The following SPATA16 variants were observed in gnomAD, a reference collection of about 807,000 sequenced individuals.
The protein encoded by SPATA16 is spermatogenesis-associated protein 16.
SPATA16 carries 36 observed loss-of-function variants against 63.3 expected under a neutral mutation model. The observed-to-expected ratio is 0.57, with a 90% CI of 0.44 to 0.75. The LOEUF is 0.75. SPATA16 is among the 30% of genes least tolerant of loss of function. SPATA16 has a pLI of 0.00. For synonymous variants in SPATA16, 203 were observed against 216.7 expected, an observed-to-expected ratio of 0.94 and a Z score of 0.56; for missense variants, 646 against 679.3, an observed-to-expected ratio of 0.95 and a Z score of 0.54.
At chr3:172,994,593 C>A (rs976748315) in intron 4 of SPATA16, among the ~76,000 whole-genome samples, 1 of 151,980 alleles carries the variant, frequency 6.6e-6, no homozygotes, top group Non-Finnish European at 1.5e-5. Flanking sequence ...GAGTGACAAA[C>A]AGGGTCTTAA....
intron 2 of SPATA16, among the ~76,000 whole-genome samples, chr3:173,111,766 T>C (rs1055815979): frequency 6.6e-5 from 10 of 152,134 alleles, no homozygotes; most frequent in African/African-American, 2.4e-4. Flanking sequence ...CCAAATTCCA[T>C]TATCTTGGAA....
At chr3:173,001,536 A>G (rs533462476) in intron 4 of SPATA16, among the ~76,000 whole-genome samples, 1 of 152,276 alleles carries the variant, frequency 6.6e-6, no homozygotes, top group African/African-American at 2.4e-5. Flanking sequence ...TCTCAGAGGT[A>G]AAACCTTAAG....
chr3:172,983,795 C>T (rs1324386148), intron 4 of SPATA16, among the ~76,000 whole-genome samples: 4 of 151,888 alleles, frequency 2.6e-5, no homozygotes, highest in Admixed American at 6.6e-5. Flanking sequence ...TATCTAGGCT[C>T]ACATATTTTC....
At chr3:172,963,544 A>G (rs1362510946) in intron 5 of SPATA16, among the ~76,000 whole-genome samples, 7 of 152,058 alleles carry the variant, frequency 4.6e-5, no homozygotes, top group Admixed American at 1.3e-4. Context: ...ACATGCATGT[A>G]ATTGTGTAAA....
intron 4 of SPATA16, among the ~76,000 whole-genome samples, chr3:172,984,526 G>T (rs540964436): frequency 6.6e-5 from 10 of 152,272 alleles, no homozygotes; most frequent in Middle Eastern, 3.4e-3. Flanking sequence ...GGTGGTCACT[G>T]AAGAAGTTTT....
At chr3:173,074,855 G>T (rs565713501) in intron 2 of SPATA16, among the ~76,000 whole-genome samples, 1 of 151,724 alleles carries the variant, frequency 6.6e-6, no homozygotes, top group Non-Finnish European at 1.5e-5. Context: ...CAAATTAGCC[G>T]GGCATAGTGG....
At chr3:173,086,053 A>G (rs932573493) in intron 2 of SPATA16, among the ~76,000 whole-genome samples, 1 of 152,124 alleles carries the variant, frequency 6.6e-6, no homozygotes. Flanking sequence ...GCCTCATAAA[A>G]TGAGTTAGGA....
Position 172,995,757 on chromosome 3 carries a change from CT to C in SPATA16, c.849-18706del, listed in dbSNP as rs942212786. On this transcript the variant is annotated intron_variant, in intron 4 of 10. Transcript: ENST00000351008. ...ACAAACAAGCTATTTTAAACAACAA[CT>C]TTTTTTTACTTTGAAAGAATTTTAA... Among the ~76,000 whole-genome samples the C allele has an allele frequency of 2.0e-3, 301 of 151,894 alleles. 1 individual carries two copies. The highest frequency in any genetic ancestry group is 7.0e-3 in the African/African-American group (289 of 41,492).
intron 4 of SPATA16, among the ~76,000 whole-genome samples, chr3:173,001,066 C>T (rs747462073): frequency 1.3e-5 from 2 of 152,318 alleles, no homozygotes; most frequent in East Asian, 3.9e-4. Flanking sequence ...TCTCTTCAAA[C>T]TGTGTTTTTA....
chr3:173,125,980 T>C (rs947750271), intron 1 of SPATA16, among the ~76,000 whole-genome samples: 7 of 152,240 alleles, frequency 4.6e-5, no homozygotes, highest in African/African-American at 1.7e-4. Context: ...ATCACCTAAA[T>C]GTAAGTTAGC....
At chr3:173,093,076 C>CACACACATAT (rs372317726) in intron 2 of SPATA16, among the ~76,000 whole-genome samples, 4 of 143,980 alleles carry the variant, frequency 2.8e-5, no homozygotes, top group Non-Finnish European at 6.1e-5. Flanking sequence ...CACACACACA[C>CACACACATAT]ATATATATAT....
intron 2 of SPATA16, among the ~76,000 whole-genome samples, chr3:173,051,360 G>A (rs575878273): frequency 9.9e-5 from 15 of 151,920 alleles, no homozygotes; most frequent in African/African-American, 3.1e-4. Context: ...GTGCCACCAC[G>A]CCCGGCTAAT....
At chr3:173,019,749 A>G (rs544228601) in intron 3 of SPATA16, among the ~76,000 whole-genome samples, 174 bp from the exon 4 acceptor site, 2 of 152,236 alleles carry the variant, frequency 1.3e-5, no homozygotes, top group South Asian at 2.1e-4. Context: ...CAAATAAACA[A>G]GCATTATTGA....
chr3:172,983,095 CAGA>C (rs1251508151), intron 4 of SPATA16, among the ~76,000 whole-genome samples: 1 of 152,186 alleles, frequency 6.6e-6, no homozygotes, highest in East Asian at 1.9e-4. Flanking sequence ...AAGACCTCCA[CAGA>C]AGGACATTGC....
chr3:172,907,137 C>T (rs138145000), intron 10 of SPATA16, among the ~76,000 whole-genome samples: 101 of 152,262 alleles, frequency 6.6e-4, no homozygotes, highest in African/African-American at 2.4e-3. Context: ...AATCATCCAG[C>T]GCAATATCCT....
At chr3:173,044,786 T>A (rs1735920266) in intron 3 of SPATA16, among the ~76,000 whole-genome samples, 3 of 152,158 alleles carry the variant, frequency 2.0e-5, no homozygotes, top group Admixed American at 2.0e-4. Context: ...TTTTGTTTTT[T>A]TCCCCCTGTG....
chr3:172,988,576 T>G (rs1734506034), intron 4 of SPATA16, among the ~76,000 whole-genome samples: 1 of 152,194 alleles, frequency 6.6e-6, no homozygotes, highest in African/African-American at 2.4e-5. Flanking sequence ...ATGGAGATTC[T>G]GGGGAGGAGG....
intron 4 of SPATA16, among the ~76,000 whole-genome samples, chr3:172,983,734 A>AAC (rs144436926): frequency 6.6e-5 from 10 of 151,524 alleles, no homozygotes; most frequent in African/African-American, 2.4e-4. Context: ...CATTCAAGCC[A>AAC]ACACACACAC....
chr3:173,052,405 G>T (rs2108295906), intron 2 of SPATA16, among the ~76,000 whole-genome samples: 1 of 152,284 alleles, frequency 6.6e-6, no homozygotes, highest in Non-Finnish European at 1.5e-5. Context: ...CAGAAAATAG[G>T]CAGCCTGCTG....
Sources: allele counts gnomAD v4.1 joint callset (sites outside exome capture counted in the v4.1 genomes callset), GRCh38; gene constraint gnomAD v4.1.1; transcripts MANE v1.5; gene names NCBI Gene and HGNC (gene_info 2026-07-23, HGNC 2026-07-21).